Variants in RMND1 observed in about 807,000 individuals in gnomAD.
The protein encoded by RMND1 is required for meiotic nuclear division protein 1 homolog.
RMND1 carries 41 observed loss-of-function variants against 54.0 expected under a neutral mutation model. The ratio of observed to expected loss-of-function variants is 0.76; its 90% confidence interval spans 0.59 to 0.98. The LOEUF (loss-of-function observed/expected upper bound fraction) is 0.98, where lower values mean the gene tolerates loss of function less well. Among genes scored for constraint, RMND1 ranks in the 50% least tolerant of loss-of-function variants. RMND1 has a pLI of 0.00. For synonymous variants in RMND1, 183 were observed against 181.7 expected (o/e 1.01, Z -0.06); for missense variants, 457 against 532.0 (o/e 0.86, Z 1.39).
Position 151,448,361 on chromosome 6 carries a change from C to T in RMND1, c.-14-2536G>A, listed in dbSNP as rs950619332. On this transcript the variant is annotated intron_variant, in intron 1 of 11. Transcript: ENST00000444024. ...TGATCCAACCACCTTTTCACTGTCT[C>T]TCACTCCCCATGACTTCACTTCCTC... 3.3e-5 allele frequency among the ~76,000 whole-genome samples: 5 copies of T among 151,788 alleles called. No individual in the cohort carries two copies. The East Asian group carries it at 9.7e-4, about 30-fold the overall frequency.
At chr6:151,421,036 T>C (rs1202890188) in intron 9 of RMND1, 1 of 447,842 alleles carries the variant, frequency 2.2e-6, no homozygotes, top group South Asian at 4.1e-5. Flanking sequence ...TGATCTCTTT[T>C]GCACATGCGT....
At chr6:151,413,116 C>A (rs902541884) in intron 10 of RMND1, among the ~76,000 whole-genome samples, 20 of 152,170 alleles carry the variant, frequency 1.3e-4, no homozygotes, top group Non-Finnish European at 5.9e-5. Context: ...GGAACCAAAT[C>A]CAGCCAATAA....
rs776083030 is a variant in RMND1, at chr6:151,436,476, C to G, written c.583G>C (p.Gly195Arg). The G allele has an allele frequency of 7.4e-6, 12 of 1,613,966 alleles. No homozygotes were observed. The highest frequency in any genetic ancestry group is 9.3e-6 in the Non-Finnish European group (11 of 1,179,866). ...GGCAAGCTTGTTACTTCAACATATC[C>G]GTGGGAGGCCAGATCTTGAGACAGA... ...GNLSQDLASH[G>R]YVEVTSLPRD... is the part of the protein sequence containing the mutation. Residue 195 changes from glycine to arginine, a missense_variant, in exon 3 of 12, where the codon GGA becomes CGA. Transcript: ENST00000444024.
At chr6:151,444,616 T>C (rs1193567693) in intron 2 of RMND1, 1 of 137,700 alleles carries the variant, frequency 7.3e-6, no homozygotes, top group African/African-American at 2.6e-5. Context: ...AAAATATCTT[T>C]AAAGTTGATG....
At chr6:151,428,722 T>C (rs577750387) in intron 5 of RMND1, among the ~76,000 whole-genome samples, 59 of 152,264 alleles carry the variant, frequency 3.9e-4, no homozygotes, top group African/African-American at 1.3e-3. Flanking sequence ...TTTGTAGAGA[T>C]GGGATCTCAC....
At chr6:151,426,532 C>T (rs1445618757) in intron 6 of RMND1, among the ~76,000 whole-genome samples, 1 of 151,998 alleles carries the variant, frequency 6.6e-6, no homozygotes, top group Non-Finnish European at 1.5e-5. Context: ...CCCCACCCCC[C>T]AAAATCAATA....
intron 6 of RMND1, 126 bp from the exon 7 acceptor site, chr6:151,423,757 G>T: frequency 2.9e-6 from 2 of 680,882 alleles, no homozygotes; most frequent in South Asian, 3.5e-5. Context: ...TGTTACAAAT[G>T]TTCTCATATC....
At chr6:151,443,938 T>C (rs1780869414) in intron 2 of RMND1, among the ~76,000 whole-genome samples, 1 of 152,248 alleles carries the variant, frequency 6.6e-6, no homozygotes. Flanking sequence ...TCTCTGTTCA[T>C]GTCAACTATT....
intron 10 of RMND1, among the ~76,000 whole-genome samples, chr6:151,407,139 G>GT (rs1197922007): frequency 6.6e-6 from 1 of 151,998 alleles, no homozygotes; most frequent in African/African-American, 2.4e-5. Flanking sequence ...GGGTGCCAAA[G>GT]TGAGATCCTG....
intron 10 of RMND1, chr6:151,411,640 T>C (rs1393277001): frequency 6.6e-6 from 1 of 152,178 alleles, no homozygotes; most frequent in Non-Finnish European, 1.5e-5. Context: ...TTGACTTCAG[T>C]AATTCCATCT....
chr6:151,422,950 C>T (rs75393630), intron 7 of RMND1, among the ~76,000 whole-genome samples: 2,892 of 152,242 alleles, frequency 0.019, 33 homozygotes, highest in Non-Finnish European at 0.028. Flanking sequence ...CCTGGCCTCC[C>T]CTTCACTCCT....
chr6:151,410,724 C>G (rs946118284), intron 10 of RMND1, among the ~76,000 whole-genome samples: 6 of 152,118 alleles, frequency 3.9e-5, no homozygotes, highest in Non-Finnish European at 7.4e-5. Flanking sequence ...CAATTCAAAC[C>G]TGAGTAATTC....
At chr6:151,449,817 T>G (rs1376680676) in intron 1 of RMND1, among the ~76,000 whole-genome samples, 1 of 152,140 alleles carries the variant, frequency 6.6e-6, no homozygotes, top group Non-Finnish European at 1.5e-5. Flanking sequence ...CCTGACTGGT[T>G]TTCGTACTTT....
At chr6:151,415,221 A>G (rs1779967065) in intron 10 of RMND1, among the ~76,000 whole-genome samples, 1 of 152,132 alleles carries the variant, frequency 6.6e-6, no homozygotes, top group South Asian at 2.1e-4. Context: ...TGTCTGCAGA[A>G]GAATAGTTAA....
chr6:151,443,411 A>G (rs1329396313), intron 2 of RMND1, among the ~76,000 whole-genome samples: 2 of 152,080 alleles, frequency 1.3e-5, no homozygotes, highest in East Asian at 3.9e-4. Flanking sequence ...TCCCGAGTTC[A>G]AGAGATTCTC....
chr6:151,407,835 C>T (rs76494844), intron 10 of RMND1, among the ~76,000 whole-genome samples: 2,117 of 151,948 alleles, frequency 0.014, 19 homozygotes, highest in South Asian at 0.019. Flanking sequence ...TGAACCCAGC[C>T]GGGAGGTGGA....
chr6:151,415,922 G>A (rs769714268), intron 10 of RMND1, among the ~76,000 whole-genome samples: 1 of 152,094 alleles, frequency 6.6e-6, no homozygotes, highest in East Asian at 1.9e-4. Context: ...GGTAGGGGGA[G>A]GGCAGTGTGA....
chr6:151,451,544 C>T (rs1217454355), intron 1 of RMND1, among the ~76,000 whole-genome samples: 2 of 152,094 alleles, frequency 1.3e-5, no homozygotes, highest in Non-Finnish European at 2.9e-5. Flanking sequence ...ATGGAAGCTC[C>T]CTGAGGATAC....
At chr6:151,427,265 A>C (rs1780328095) in intron 6 of RMND1, among the ~76,000 whole-genome samples, 1 of 151,874 alleles carries the variant, frequency 6.6e-6, no homozygotes, top group Non-Finnish European at 1.5e-5. Flanking sequence ...AGTCCCACTT[A>C]CTCAGGAGGC....
Sources: gnomAD v4.1 joint callset for allele counts (sites outside exome capture counted in the v4.1 genomes callset) on GRCh38, gnomAD v4.1.1 for gene constraint, MANE v1.5 for transcripts, NCBI Gene and HGNC (gene_info 2026-07-23, HGNC 2026-07-21) for gene names.